Variants in PRKN observed in about 807,000 individuals in gnomAD.
PRKN encodes the protein parkin RBR E3 ubiquitin protein ligase.
A neutral mutation model predicts 59.5 loss-of-function variants in PRKN; 56 were observed. The observed-to-expected ratio is 0.94, with a 90% CI of 0.76 to 1.18. The LOEUF (loss-of-function observed/expected upper bound fraction) is 1.18, where lower values mean the gene tolerates loss of function less well. PRKN is among the 50% of genes most tolerant of loss of function. The probability of loss-of-function intolerance (pLI) is 0.00; values close to 1 mark genes in which losing one functional copy is unlikely to be tolerated. For synonymous variants in PRKN, 250 were observed against 222.1 expected, an observed-to-expected ratio of 1.13 and a Z score of -1.12; for missense variants, 657 against 596.4, an observed-to-expected ratio of 1.10 and a Z score of -1.06.
intron 7 of PRKN, 29 bp from the exon 8 acceptor site, chr6:161,569,445 A>T (rs1291399899): frequency 6.3e-7 from 1 of 1,590,842 alleles, no homozygotes; most frequent in Non-Finnish European, 8.6e-7. Context: ...AATCACAAAA[A>T]CGTCACTTTC....
At chr6:162,126,752 A>C (rs528057050) in intron 4 of PRKN, among the ~76,000 whole-genome samples, 2 of 152,230 alleles carry the variant, frequency 1.3e-5, no homozygotes, top group African/African-American at 4.8e-5. Context: ...TCTCTCTTCT[A>C]TGCCCCAGTG....
chr6:161,842,005 C>G (rs1370735762), intron 6 of PRKN, among the ~76,000 whole-genome samples: 1 of 152,182 alleles, frequency 6.6e-6, no homozygotes, highest in Non-Finnish European at 1.5e-5. Context: ...GCCTGCCTTA[C>G]TGTTCTTTAA....
At chr6:162,132,850 C>T (rs1022995742) in intron 4 of PRKN, among the ~76,000 whole-genome samples, 13 of 152,048 alleles carry the variant, frequency 8.5e-5, no homozygotes, top group African/African-American at 2.2e-4. Context: ...TTAGAGGAGA[C>T]GGCTTAGAGC....
At chr6:162,053,355 T>G (rs1280651334) in intron 5 of PRKN, among the ~76,000 whole-genome samples, 1 of 152,194 alleles carries the variant, frequency 6.6e-6, no homozygotes, top group Non-Finnish European at 1.5e-5. Flanking sequence ...GCTGGCAGCA[T>G]AACAGTATTT....
Position 161,897,518 on chromosome 6 carries a change from T to C in PRKN, c.734+75784A>G, listed in dbSNP as rs148100291. ...GGGATTAGGGAACATAGTGGTTTGA[T>C]TGATTAGACTGCTTACCAAAGCAAT... is the stretch of plus-strand genomic sequence containing the variant. On this transcript the variant is annotated intron_variant, in intron 6 of 11. Coordinates refer to ENST00000366898, the MANE Select transcript of PRKN (RefSeq NM_004562.3). 7.1e-4 allele frequency among the ~76,000 whole-genome samples: 108 copies of C among 152,338 alleles called. 1 individual carries two copies. In the East Asian group the frequency reaches 0.017, roughly 23 times the overall value.
chr6:162,256,324 T>C (rs1394453127), intron 3 of PRKN, among the ~76,000 whole-genome samples: 1 of 152,228 alleles, frequency 6.6e-6, no homozygotes. Context: ...GTTTGGAAGC[T>C]ACAGGTCATA....
At chr6:161,912,176 T>TA (rs59096059) in intron 6 of PRKN, among the ~76,000 whole-genome samples, 9,437 of 125,718 alleles carry the variant, frequency 0.075, 383 homozygotes, top group South Asian at 0.16. Flanking sequence ...GAATCTGTCC[T>TA]AAAAAAAAAA....
intron 1 of PRKN, among the ~76,000 whole-genome samples, chr6:162,718,401 G>A (rs2128240006): frequency 6.6e-6 from 1 of 152,184 alleles, no homozygotes; most frequent in East Asian, 1.9e-4. Flanking sequence ...TTTCTTAGAT[G>A]TTGAATCTCC....
rs1780422083 is a variant in PRKN, at chr6:161,560,576, T to C, written c.933+8779A>G. 6.6e-6 allele frequency among the ~76,000 whole-genome samples: 1 copy of C among 152,160 alleles called. No individual in the cohort carries two copies. The highest frequency in any genetic ancestry group is 2.1e-4 in the South Asian group (1 of 4,830). ...GAACTCCTGTATGAATAAGCCACCATCAATCTATTCTTTCTGTTTTACCTT... is the reference window on the plus strand; with the variant it reads ...GAACTCCTGTATGAATAAGCCACCACCAATCTATTCTTTCTGTTTTACCTT... On this transcript the variant is annotated intron_variant, in intron 8 of 11. Coordinates refer to ENST00000366898, the MANE Select transcript of PRKN (RefSeq NM_004562.3). This position sits in a 1 kb window ranked among gnomAD's most constrained non-coding sequence, Gnocchi z 4.9.
At chr6:162,510,564 T>C (rs569458174) in intron 1 of PRKN, among the ~76,000 whole-genome samples, 76 of 152,260 alleles carry the variant, frequency 5.0e-4, no homozygotes, top group African/African-American at 1.7e-3. Context: ...GGCCTATTTA[T>C]AATAGAAAAA....
chr6:162,536,878 T>C (rs188253728), intron 1 of PRKN, among the ~76,000 whole-genome samples: 66 of 152,338 alleles, frequency 4.3e-4, no homozygotes, highest in African/African-American at 1.5e-3. Context: ...CATTGATTTC[T>C]TTCTCCAAAT....
intron 1 of PRKN, among the ~76,000 whole-genome samples, chr6:162,626,127 G>A (rs1371722764): frequency 6.6e-6 from 1 of 152,076 alleles, no homozygotes. Flanking sequence ...TGATACTTAG[G>A]TTAAGTGCAA....
At chr6:161,752,729 G>A (rs759250648) in intron 7 of PRKN, among the ~76,000 whole-genome samples, 12 of 152,128 alleles carry the variant, frequency 7.9e-5, no homozygotes, top group Non-Finnish European at 1.6e-4. Context: ...CTTTTGTGTC[G>A]CAAATGGATT....
intron 1 of PRKN, among the ~76,000 whole-genome samples, chr6:162,636,254 G>A (rs1423110041): frequency 2.7e-5 from 4 of 149,018 alleles, no homozygotes. Context: ...CAAGTCAGTA[G>A]AAAAAAAAAA....
chr6:161,457,746 AT>A lies in PRKN; in HGVS notation c.1084-70870del. The stretch of plus-strand genomic sequence containing the variant: ...GAGACTGGTTCTGAAAATAGGGAGA[AT>A]GGGAACCACCAACTTCCTGTGTGTG... On this transcript the variant is annotated intron_variant, in intron 9 of 11. Coordinates refer to ENST00000366898, the MANE Select transcript of PRKN (RefSeq NM_004562.3). This position sits in a 1 kb window ranked among gnomAD's most constrained non-coding sequence, Gnocchi z 5.0. 6.6e-6 allele frequency among the ~76,000 whole-genome samples: 1 copy of A among 152,380 alleles called. No individual in the cohort carries two copies.
chr6:161,580,752 A>G (rs1234542466), intron 7 of PRKN, among the ~76,000 whole-genome samples: 2 of 151,550 alleles, frequency 1.3e-5, no homozygotes, highest in East Asian at 3.9e-4. Context: ...TGCTGCGATT[A>G]CAGGTGTGAG....
At chr6:162,018,237 AG>A (rs1783002824) in intron 5 of PRKN, among the ~76,000 whole-genome samples, 1 of 152,110 alleles carries the variant, frequency 6.6e-6, no homozygotes, top group Non-Finnish European at 1.5e-5. Flanking sequence ...CGTGTTAGCC[AG>A]GATGGTCTCA....
chr6:162,110,903 G>A (rs1233308577), intron 4 of PRKN, among the ~76,000 whole-genome samples: 1 of 152,168 alleles, frequency 6.6e-6, no homozygotes, highest in African/African-American at 2.4e-5. Flanking sequence ...GACAAATCCA[G>A]ATTCTGAGAC....
rs549813956 is a variant in PRKN, at chr6:162,211,493, CTT to C, written c.413-10243_413-10242del. 1.8e-4 allele frequency among the ~76,000 whole-genome samples: 28 copies of C among 152,132 alleles called. No homozygotes were observed. The South Asian group carries it at 5.6e-3, about 30-fold the overall frequency. ...CTTTTTTATTTTTACAGAAGTAGTACTTTTCTTGCTATTTAAAAAATAATTTA... is the reference window on the plus strand; with the variant it reads ...CTTTTTTATTTTTACAGAAGTAGTACTTCTTGCTATTTAAAAAATAATTTA... On this transcript the variant is annotated intron_variant, in intron 3 of 11. Coordinates refer to ENST00000366898, the MANE Select transcript of PRKN (RefSeq NM_004562.3).
Sources: allele counts gnomAD v4.1 joint callset (sites outside exome capture counted in the v4.1 genomes callset), GRCh38; gene constraint gnomAD v4.1.1; non-coding constraint Gnocchi (gnomAD v3.1); transcripts MANE v1.5; gene names NCBI Gene and HGNC (gene_info 2026-07-23, HGNC 2026-07-21).